Variants in GLT8D2 observed in about 807,000 individuals in gnomAD.
GLT8D2 encodes the protein glycosyltransferase 8 domain containing 2.
A neutral mutation model predicts 44.5 loss-of-function variants in GLT8D2; 45 were observed. The observed-to-expected ratio is 1.01, with a 90% CI of 0.80 to 1.30. GLT8D2 has a LOEUF of 1.30. Ranked by LOEUF, GLT8D2 falls within the 50% of genes most tolerant of loss-of-function variation. GLT8D2 has a pLI of 0.00. For synonymous variants in GLT8D2, 156 were observed against 157.2 expected (o/e 0.99, Z 0.06); for missense variants, 400 against 430.4 (o/e 0.93, Z 0.62).
intron 6 of GLT8D2, among the ~76,000 whole-genome samples, chr12:103,999,072 G>A (rs550822586): frequency 4.7e-4 from 72 of 152,278 alleles, no homozygotes; most frequent in African/African-American, 1.6e-3. Flanking sequence ...AACAGCTGGT[G>A]GGTTTGGGAC....
At chr12:104,016,723 G>GAAAGAAAT (rs1456647476) in intron 3 of GLT8D2, among the ~76,000 whole-genome samples, 1 of 51,586 alleles carries the variant, frequency 1.9e-5, no homozygotes, top group East Asian at 5.5e-4. Context: ...AAGAAAGAAA[G>GAAAGAAAT]AAAGAAAGAA....
intron 1 of GLT8D2, among the ~76,000 whole-genome samples, chr12:104,038,455 T>C (rs527564882): frequency 1.2e-3 from 182 of 152,316 alleles, no homozygotes; most frequent in Admixed American, 2.0e-3. Context: ...AGTCTCAGGA[T>C]ACAAAATCAA....
At chr12:104,030,936 A>G in intron 1 of GLT8D2, 1 of 1,474,700 alleles carries the variant, frequency 6.8e-7, no homozygotes, top group Middle Eastern at 2.4e-4. Flanking sequence ...TATGAGTTTG[A>G]CATCTGCTTC....
intron 1 of GLT8D2, among the ~76,000 whole-genome samples, chr12:104,026,278 CA>C (rs760871849): frequency 0.081 from 6,385 of 78,802 alleles, 328 homozygotes; most frequent in African/African-American, 0.23. Context: ...GACTCTGTCT[CA>C]AAAAAAAAAA....
chr12:104,060,221 T>C (rs1422930408), intron 1 of GLT8D2, among the ~76,000 whole-genome samples: 1 of 152,198 alleles, frequency 6.6e-6, no homozygotes, highest in African/African-American at 2.4e-5. Flanking sequence ...ACCTATTCTC[T>C]ATTTCCTTCA....
intron 4 of GLT8D2, among the ~76,000 whole-genome samples, chr12:104,013,970 C>T (rs906949268): frequency 6.6e-5 from 10 of 152,190 alleles, no homozygotes; most frequent in African/African-American, 9.7e-5. Flanking sequence ...TCTCAAACAC[C>T]TGGACTCAAG....
rs1433062482 is a variant in GLT8D2, at chr12:104,022,055, AGGG to A, written c.-163-567_-163-565del. On this transcript the variant is annotated intron_variant, in intron 1 of 10. Coordinates refer to ENST00000360814, the MANE Select transcript of GLT8D2 (RefSeq NM_001384711.1). ...AAGAAGAAGAAGAAGAAGAAGAAGA[AGGG>A]AAAGAAAGAAAGAAAGAAAAAAAAA... Among the ~76,000 whole-genome samples, 20 of 125,678 alleles carry A rather than the reference AGGG, an allele frequency of 1.6e-4. 1 individual carries two copies. Among genetic ancestry groups the A allele is most frequent in the African/African-American group, 7.6e-4 (19 of 24,992 alleles). 82.4% of individuals were successfully genotyped at this position (125,678 alleles called of 152,430 possible).
intron 1 of GLT8D2, among the ~76,000 whole-genome samples, chr12:104,023,745 T>C (rs1347712769): frequency 6.6e-6 from 1 of 152,112 alleles, no homozygotes; most frequent in Admixed American, 6.5e-5. Context: ...GTCTCTGTAG[T>C]TTTGTCTTTT....
chr12:103,989,611 G>C, intron 10 of GLT8D2, 34 bp from the exon 11 acceptor site: 1 of 1,513,694 alleles, frequency 6.6e-7, no homozygotes, highest in Non-Finnish European at 9.0e-7. Flanking sequence ...TAATAGGCTT[G>C]TTAGAGAATA....
At position 104,003,083 on chromosome 12, in the gene GLT8D2, G is replaced by A. The variant is rs370473453; in HGVS notation, c.284+52C>T. 15 of 1,442,976 alleles carry A rather than the reference G, an allele frequency of 1.0e-5. No homozygotes were observed. The African/African-American group carries it at 1.4e-4, about 13-fold the overall frequency. 89.4% of individuals were successfully genotyped at this position (1,442,976 alleles called of 1,614,324 possible). ...GGTAGGGAGGGAGGGAGGGAGGGAA[G>A]GAGAGAGGGGAAGGAAACAGAAAGT... On this transcript the variant is annotated intron_variant, in intron 5 of 10. Transcript: ENST00000360814.
chr12:104,006,090 G>A (rs1215142653), intron 4 of GLT8D2, among the ~76,000 whole-genome samples: 2 of 152,132 alleles, frequency 1.3e-5, no homozygotes, highest in African/African-American at 4.8e-5. Flanking sequence ...GTAGGGACAT[G>A]GATGAAGCTG....
chr12:104,011,653 A>C (rs771584760), intron 4 of GLT8D2, among the ~76,000 whole-genome samples: 9 of 152,184 alleles, frequency 5.9e-5, no homozygotes, highest in Non-Finnish European at 1.2e-4. Context: ...TCTGGACATC[A>C]ACTTAGAACA....
intron 3 of GLT8D2, 146 bp downstream of exon 3, chr12:104,019,484 A>G: frequency 1.5e-6 from 1 of 664,144 alleles, no homozygotes; most frequent in South Asian, 1.9e-5. Flanking sequence ...TCATCTGGAA[A>G]TGATGATGCC....
chr12:103,995,176 C>A (rs1873254445), intron 8 of GLT8D2, among the ~76,000 whole-genome samples: 1 of 152,164 alleles, frequency 6.6e-6, no homozygotes, highest in Non-Finnish European at 1.5e-5. Context: ...AACCAGTATC[C>A]TTGCTTCCAC....
intron 10 of GLT8D2, among the ~76,000 whole-genome samples, chr12:103,990,744 T>A (rs893545203): frequency 1.3e-5 from 2 of 152,082 alleles, no homozygotes; most frequent in African/African-American, 4.8e-5. Context: ...TATCGCAGCA[T>A]AACTGGAATA....
At chr12:104,061,741 CCAAGGTGGGCAGAT>C (rs918251975) in intron 1 of GLT8D2, among the ~76,000 whole-genome samples, 1 of 151,986 alleles carries the variant, frequency 6.6e-6, no homozygotes, top group Non-Finnish European at 1.5e-5. Context: ...CCTTAGGAGA[CCAAGGTGGGCAGAT>C]CACCTGAGGT....
intron 1 of GLT8D2, among the ~76,000 whole-genome samples, chr12:104,021,974 A>G (rs1319342289): frequency 6.5e-5 from 5 of 77,112 alleles, no homozygotes; most frequent in Admixed American, 1.3e-4. Context: ...AGGAAGAGGA[A>G]GAGGAAGAGG....
upstream of GLT8D2, among the ~76,000 whole-genome samples, chr12:104,054,111 C>A (rs1881966607): frequency 6.6e-6 from 1 of 152,062 alleles, no homozygotes; most frequent in African/African-American, 2.4e-5. Context: ...ACTAGATCCC[C>A]AGAATTTGCT....
At chr12:104,029,455 A>G (rs1015755121) in intron 1 of GLT8D2, among the ~76,000 whole-genome samples, 1 of 152,198 alleles carries the variant, frequency 6.6e-6, no homozygotes, top group Non-Finnish European at 1.5e-5. Context: ...AGTAGGAGAC[A>G]CATACATTAA....
Sources: allele counts gnomAD v4.1 joint callset (sites outside exome capture counted in the v4.1 genomes callset), GRCh38; gene constraint gnomAD v4.1.1; transcripts MANE v1.5; gene names NCBI Gene and HGNC (gene_info 2026-07-23, HGNC 2026-07-21).